DNAAF11: variants seen among roughly 807,000 people sequenced by gnomAD.
DNAAF11 encodes the protein leucine rich repeat containing 6.
In DNAAF11, 45 loss-of-function variants were observed where a neutral mutation model predicts 60.8. That is an observed-to-expected ratio of 0.74 (90% CI 0.58 to 0.95). DNAAF11 has a LOEUF of 0.95. Among genes scored for constraint, DNAAF11 ranks in the 40% least tolerant of loss-of-function variants. The pLI is 0.00. For synonymous variants in DNAAF11, 191 were observed against 183.5 expected (o/e 1.04, Z -0.33); for missense variants, 546 against 546.2 (o/e 1.00, Z 0.00).
At chr8:132,653,345 A>T (rs1823218236) in intron 3 of DNAAF11, among the ~76,000 whole-genome samples, 1 of 152,188 alleles carries the variant, frequency 6.6e-6, no homozygotes, top group South Asian at 2.1e-4. Flanking sequence ...ATAGACAAAA[A>T]TGAGAGTTTT....
Position 132,661,561 on chromosome 8 carries a change from A to G in DNAAF11, c.77T>C (p.Leu26Pro). ...NDCVIFSLEE[L>P]SLHQQEIERL... ...TTCTATTTCTTGCTGATGCAACGAG[A>G]GTTCCTCCAGGGAAAAAATGACACA... Residue 26 changes from leucine (L) to proline (P), a missense_variant, in exon 2 of 12, where the codon CTC becomes CCC. Coordinates refer to ENST00000620350, the MANE Select transcript of DNAAF11 (RefSeq NM_012472.6). The G allele has an allele frequency of 6.2e-7, 1 of 1,613,984 alleles. No homozygotes were observed. Among genetic ancestry groups the G allele is most frequent in the Non-Finnish European group, 8.5e-7 (1 of 1,179,882 alleles).
intron 3 of DNAAF11, among the ~76,000 whole-genome samples, chr8:132,644,787 G>C (rs995303517): frequency 6.6e-6 from 1 of 152,202 alleles, no homozygotes; most frequent in Non-Finnish European, 1.5e-5. Flanking sequence ...GCTGGGGGAG[G>C]GACGTCCACC....
At chr8:132,641,102 TA>T (rs998792514) in intron 3 of DNAAF11, among the ~76,000 whole-genome samples, 9 of 152,116 alleles carry the variant, frequency 5.9e-5, no homozygotes, top group African/African-American at 2.2e-4. Context: ...CTAATAAATA[TA>T]AAAGGAATGA....
intron 3 of DNAAF11, among the ~76,000 whole-genome samples, chr8:132,654,571 T>C (rs1823352382): frequency 6.6e-6 from 1 of 151,702 alleles, no homozygotes; most frequent in Non-Finnish European, 1.5e-5. Flanking sequence ...TCAAAGAAAG[T>C]ATTTCTTTCT....
chr8:132,586,774 C>T (rs1815946286), intron 10 of DNAAF11, among the ~76,000 whole-genome samples: 2 of 152,078 alleles, frequency 1.3e-5, no homozygotes, highest in African/African-American at 4.8e-5. Context: ...TTGACTGAGA[C>T]CTTTGTTGGT....
At chr8:132,647,093 A>C (rs2130672523) in intron 3 of DNAAF11, among the ~76,000 whole-genome samples, 1 of 152,330 alleles carries the variant, frequency 6.6e-6, no homozygotes, top group Non-Finnish European at 1.5e-5. Flanking sequence ...CATAGTTGGA[A>C]GTAAAGCACT....
rs894345938 is a variant in DNAAF11 at position 132,652,486 on chromosome 8, C to T, written c.256+4344G>A. On this transcript the variant is annotated intron_variant, in intron 3 of 11. Transcript: ENST00000620350. Reference sequence around the variant, plus strand: ...CTAACAATTATCTCCAAAGAGATTTCGAAGATATCTCATCCATAAAATAAG... The same window carrying T: ...CTAACAATTATCTCCAAAGAGATTTTGAAGATATCTCATCCATAAAATAAG... Among the ~76,000 whole-genome samples, 6 of 152,078 alleles carry T rather than the reference C, an allele frequency of 3.9e-5. No homozygotes were observed. The South Asian group carries it at 1.0e-3, about 26-fold the overall frequency.
chr8:132,625,514 T>C (rs1404937304), intron 5 of DNAAF11, 60 bp from the exon 6 acceptor site: 2 of 1,260,582 alleles, frequency 1.6e-6, no homozygotes, highest in African/African-American at 3.0e-5. Context: ...TCATCCTTAA[T>C]GCTGGCCCTT....
chr8:132,632,663 C>A, intron 5 of DNAAF11, 77 bp downstream of exon 5: 1 of 1,018,452 alleles, frequency 9.8e-7, no homozygotes, highest in South Asian at 1.4e-5. Context: ...AAGTGTACTG[C>A]AAACAACTTG....
intron 10 of DNAAF11, 97 bp downstream of exon 10, chr8:132,610,069 G>A (rs1818500266): frequency 1.3e-6 from 1 of 787,120 alleles, no homozygotes; most frequent in East Asian, 2.6e-5. Flanking sequence ...CAACTAAAAT[G>A]TACTTTAATC....
the DNAAF11 span, among the ~76,000 whole-genome samples, chr8:132,687,281 T>A: frequency 6.6e-6 from 1 of 152,230 alleles, no homozygotes; most frequent in Non-Finnish European, 1.5e-5. Flanking sequence ...AATATCAGAA[T>A]GGAAATGATT....
In DNAAF11 at chr8:132,674,160, A is replaced by AAGGAGAAGGAGGAGG. The variant is rs1185509875; in HGVS notation, c.10+1309_10+1323dup. ...GAAGGAGGAGGAAGAGGAGGAGGAGAAGGAGAAGGAGGAGGAGGAGAAGGA... is the reference window on the plus strand; with the variant it reads ...GAAGGAGGAGGAAGAGGAGGAGGAGAAGGAGAAGGAGGAGGAGGAGAAGGAGGAGGAGGAGAAGGA... On this transcript the variant is annotated intron_variant, in intron 1 of 11. Coordinates refer to ENST00000620350, the MANE Select transcript of DNAAF11 (RefSeq NM_012472.6). 2.8e-3 allele frequency among the ~76,000 whole-genome samples: 108 copies of AAGGAGAAGGAGGAGG among 38,944 alleles called. 1 individual carries two copies. Among genetic ancestry groups the AAGGAGAAGGAGGAGG allele is most frequent in the South Asian group, 0.013 (16 of 1,268 alleles). 25.5% of individuals were successfully genotyped at this position (38,944 alleles called of 152,430 possible). A position where few individuals can be genotyped will look rare whatever the true frequency, so the allele number is the denominator to read the frequency against.
intron 5 of DNAAF11, among the ~76,000 whole-genome samples, chr8:132,631,436 A>G (rs1476293927): frequency 6.6e-6 from 1 of 152,202 alleles, no homozygotes; most frequent in African/African-American, 2.4e-5. Flanking sequence ...TATACTTACA[A>G]TGAATTAGTT....
intron 1 of DNAAF11, among the ~76,000 whole-genome samples, chr8:132,674,280 G>A (rs1825551713): frequency 6.6e-6 from 1 of 152,056 alleles, no homozygotes; most frequent in Non-Finnish European, 1.5e-5. Context: ...AGACAGCCCT[G>A]AGAAGAGAGG....
In DNAAF11 at chr8:132,591,994, T is replaced by G. The variant is rs190310520; in HGVS notation, c.1141-8215A>C. Reference sequence around the variant, plus strand: ...TTAATGCTTTTAAAATAATACTCAATTCTTTAAAATCCATATGAAATTTAT... The same window carrying G: ...TTAATGCTTTTAAAATAATACTCAAGTCTTTAAAATCCATATGAAATTTAT... On this transcript the variant is annotated intron_variant, in intron 10 of 11. Transcript: ENST00000620350. Among the ~76,000 whole-genome samples the G allele has an allele frequency of 3.3e-5, 5 of 152,348 alleles. No individual in the cohort carries two copies. The East Asian group carries it at 9.6e-4, about 29-fold the overall frequency.
chr8:132,676,382 TA>T (rs763190899), upstream of DNAAF11, among the ~76,000 whole-genome samples: 2 of 152,174 alleles, frequency 1.3e-5, no homozygotes, highest in Non-Finnish European at 2.9e-5. Flanking sequence ...CAAGAATCTT[TA>T]AAAGGTACCA....
At chr8:132,657,671 T>G (rs1823715192) in intron 2 of DNAAF11, among the ~76,000 whole-genome samples, 1 of 152,192 alleles carries the variant, frequency 6.6e-6, no homozygotes, top group Admixed American at 6.5e-5. Flanking sequence ...GTCACAGAAT[T>G]GCTGCAGAAT....
chr8:132,682,886 A>T, the DNAAF11 span, among the ~76,000 whole-genome samples: 4 of 152,304 alleles, frequency 2.6e-5, no homozygotes, highest in Middle Eastern at 0.01. Context: ...AGAGGAAGCA[A>T]GAGAGACAAG....
intron 10 of DNAAF11, among the ~76,000 whole-genome samples, chr8:132,598,439 A>T (rs1455791346): frequency 2.0e-5 from 3 of 152,318 alleles, no homozygotes; most frequent in East Asian, 3.9e-4. Flanking sequence ...GCAGAAAGTG[A>T]GTTGTTTAAA....
Sources: gnomAD v4.1 joint callset for allele counts (sites outside exome capture counted in the v4.1 genomes callset) on GRCh38, gnomAD v4.1.1 for gene constraint, MANE v1.5 for transcripts, NCBI Gene and HGNC (gene_info 2026-07-23, HGNC 2026-07-21) for gene names.